The following SLC30A7 variants were observed in gnomAD, a reference collection of about 807,000 sequenced individuals.
SLC30A7 encodes solute carrier family 30 member 7.
A neutral mutation model predicts 46.0 loss-of-function variants in SLC30A7; 35 were observed. The observed-to-expected ratio is 0.76, with a 90% CI of 0.58 to 1.01. SLC30A7 has a LOEUF of 1.01. Among genes scored for constraint, SLC30A7 ranks in the 50% least tolerant of loss-of-function variants. The pLI, the probability that SLC30A7 is intolerant of heterozygous loss-of-function variation, is 0.00. For synonymous variants in SLC30A7, 147 were observed against 157.8 expected, an observed-to-expected ratio of 0.93 and a Z score of 0.51; for missense variants, 464 against 451.1, an observed-to-expected ratio of 1.03 and a Z score of -0.26.
Position 100,913,697 on chromosome 1 carries a change from T to C in SLC30A7, c.546T>C (p.Ala182=). The C allele has an allele frequency of 6.2e-7, 1 of 1,613,940 alleles. No homozygotes were observed. The highest frequency in any genetic ancestry group is 8.5e-7 in the Non-Finnish European group (1 of 1,179,838). The change falls in exon 6 of 11, where the codon GCT becomes GCC. Residue 182 remains alanine (A), a synonymous_variant. Transcript: ENST00000357650. The stretch of plus-strand genomic sequence containing the variant: ...ACAGTCATTCCCTCTTTAATGGTGC[T>C]CTAGATCAGGCACATGGCCATGTCG... ...HGHSHSLFNG[A]LDQAHGHVDH...
chr1:100,906,986 A>ATC (rs772335890), intron 3 of SLC30A7, 21 bp downstream of exon 3: 44 of 1,492,032 alleles, frequency 2.9e-5, no homozygotes, highest in Non-Finnish European at 4.1e-5. Flanking sequence ...AAGAAAAAAA[A>ATC]TCTTTTTATT....
chr1:100,906,997 G>C (rs1651718245), intron 3 of SLC30A7, 32 bp downstream of exon 3: 1 of 1,379,708 alleles, frequency 7.2e-7, no homozygotes. Context: ...TCTTTTTATT[G>C]AAGTATAAGA....
At chr1:100,990,683 C>A in the SLC30A7 span, 1 of 1,548,482 alleles carries the variant, frequency 6.5e-7, no homozygotes, top group Non-Finnish European at 8.9e-7. Flanking sequence ...CATCATCCAT[C>A]CAACAGTCAA....
chr1:100,958,683 T>C (rs1371359025), intron 8 of SLC30A7, among the ~76,000 whole-genome samples: 2 of 152,226 alleles, frequency 1.3e-5, no homozygotes, highest in Admixed American at 6.5e-5. Context: ...AGATATACTT[T>C]TAAAATTTAT....
intron 8 of SLC30A7, among the ~76,000 whole-genome samples, chr1:100,935,191 A>G (rs1243727092): frequency 6.6e-6 from 1 of 152,204 alleles, no homozygotes; most frequent in African/African-American, 2.4e-5. Flanking sequence ...CAATCAGTCA[A>G]ATCATACTTT....
intron 8 of SLC30A7, among the ~76,000 whole-genome samples, chr1:100,959,004 T>TA (rs1655393492): frequency 6.6e-6 from 1 of 152,140 alleles, no homozygotes; most frequent in Non-Finnish European, 1.5e-5. Context: ...AGTGTAAGAC[T>TA]ATAGGGCAGC....
At chr1:100,953,076 T>C (rs114034138) in intron 8 of SLC30A7, among the ~76,000 whole-genome samples, 1 of 152,220 alleles carries the variant, frequency 6.6e-6, no homozygotes, top group African/African-American at 2.4e-5. Flanking sequence ...GATTTAAAAG[T>C]GTGTGGCACT....
At chr1:100,994,125 T>G in the SLC30A7 span, among the ~76,000 whole-genome samples, 2 of 152,168 alleles carry the variant, frequency 1.3e-5, no homozygotes, top group African/African-American at 4.8e-5. Context: ...TTAAAGAGAT[T>G]GTTTTTATAT....
rs1045095797 is a variant in SLC30A7, at chr1:100,921,961, T to C, written c.842+120T>C. On this transcript the variant is annotated intron_variant, in intron 8 of 10. Coordinates refer to ENST00000357650, the MANE Select transcript of SLC30A7 (RefSeq NM_133496.5). ...TTTTCCTTTGCTTGCTTTTTTTTTT[T>C]TTTTTTTTTTGAGACAGAGTCTCGC... The C allele has an allele frequency of 1.6e-5, 16 of 1,003,046 alleles. No homozygotes were observed. The African/African-American group carries it at 2.7e-4, about 17-fold the overall frequency. The allele number at this position is 1,003,046 out of a possible 1,614,324, so 62.1% of individuals were successfully genotyped here.
intron 8 of SLC30A7, among the ~76,000 whole-genome samples, chr1:100,959,470 G>T (rs765566857): frequency 3.9e-5 from 6 of 152,224 alleles, no homozygotes; most frequent in Non-Finnish European, 7.3e-5. Flanking sequence ...CGGGGCTGCA[G>T]TTATTCCAAG....
downstream of SLC30A7, among the ~76,000 whole-genome samples, chr1:100,982,916 C>A (rs1237439600): frequency 6.6e-6 from 1 of 152,186 alleles, no homozygotes; most frequent in Non-Finnish European, 1.5e-5. Context: ...TGTCAACACT[C>A]CTACAGAGCA....
intron 8 of SLC30A7, among the ~76,000 whole-genome samples, chr1:100,960,196 C>T (rs182246455): frequency 1.3e-5 from 2 of 152,322 alleles, no homozygotes; most frequent in East Asian, 3.9e-4. Context: ...ACATTGCTCT[C>T]ACTGTGTCTT....
chr1:100,949,595 G>C (rs1386150993), intron 8 of SLC30A7, among the ~76,000 whole-genome samples: 1 of 152,236 alleles, frequency 6.6e-6, no homozygotes, highest in East Asian at 1.9e-4. Flanking sequence ...GCTGCCTTTT[G>C]TTCAGCTATG....
At chr1:100,968,856 A>G (rs1420603756) in intron 10 of SLC30A7, among the ~76,000 whole-genome samples, 3 of 152,220 alleles carry the variant, frequency 2.0e-5, no homozygotes, top group African/African-American at 7.2e-5. Flanking sequence ...TTTGTTATAT[A>G]AACAGATTTT....
intron 8 of SLC30A7, among the ~76,000 whole-genome samples, chr1:100,931,966 G>C (rs1018294954): frequency 1.3e-5 from 2 of 152,046 alleles, no homozygotes; most frequent in African/African-American, 4.8e-5. Flanking sequence ...TACCATTTTT[G>C]TTGTTGCTAT....
chr1:100,965,697 T>A, intron 9 of SLC30A7, 72 bp from the exon 10 acceptor site: 1 of 1,249,850 alleles, frequency 8.0e-7, no homozygotes, highest in Admixed American at 1.8e-5. Flanking sequence ...TACTGATATG[T>A]TGCATAATAA....
At position 100,911,280 on chromosome 1, in the gene SLC30A7, G is replaced by A. The variant is rs79086178; in HGVS notation, c.384+130G>A. 2.2e-3 allele frequency: 1,302 copies of A among 585,576 alleles called. 25 individuals are homozygous for A. The East Asian group carries it at 0.036, about 16-fold the overall frequency. 36.3% of individuals were successfully genotyped at this position (585,576 alleles called of 1,614,324 possible). A position where few individuals can be genotyped will look rare whatever the true frequency, so the allele number is the denominator to read the frequency against. ...GGACAATCTTAGATTAGATATGTGCGTACAAGAGGAGCTTACAAAATAGTT... is the reference window on the plus strand; with the variant it reads ...GGACAATCTTAGATTAGATATGTGCATACAAGAGGAGCTTACAAAATAGTT... On this transcript the variant is annotated intron_variant, in intron 4 of 10. Transcript: ENST00000357650.
At chr1:100,901,954 GA>G (rs1192135291) in intron 2 of SLC30A7, among the ~76,000 whole-genome samples, 14 of 9,122 alleles carry the variant, frequency 1.5e-3, no homozygotes, top group Non-Finnish European at 2.1e-3. Context: ...ATTTTTTAAG[GA>G]AATTTATAGT....
At position 100,976,034 on chromosome 1, in the gene SLC30A7, T is replaced by G. The variant is rs1329846844; in HGVS notation, c.*1177T>G. 6.6e-6 allele frequency: 1 copy of G among 152,618 alleles called. No homozygotes were observed. The highest frequency in any genetic ancestry group is 1.5e-5 in the Non-Finnish European group (1 of 68,036). 9.5% of individuals were successfully genotyped at this position (152,618 alleles called of 1,614,324 possible). A position where few individuals can be genotyped will look rare whatever the true frequency, so the allele number is the denominator to read the frequency against. On this transcript the variant is annotated 3_prime_UTR_variant, in exon 11 of 11. Transcript: ENST00000357650. ...TTGCTTTTTAAAACAAATTTAATTA[T>G]CACATTTTAAATTACTTTGTGGACT...
Sources: gnomAD v4.1 joint callset for allele counts (sites outside exome capture counted in the v4.1 genomes callset) on GRCh38, gnomAD v4.1.1 for gene constraint, MANE v1.5 for transcripts, NCBI Gene and HGNC (gene_info 2026-07-23, HGNC 2026-07-21) for gene names.